The following GNB1 variants were observed in gnomAD, a reference collection of about 807,000 sequenced individuals.
GNB1 encodes G protein subunit beta 1.
In GNB1, 2 loss-of-function variants were observed where a neutral mutation model predicts 42.9. The ratio of observed to expected loss-of-function variants is 0.05; its 90% CI spans 0.02 to 0.15. GNB1 has a LOEUF of 0.15. Ranked by LOEUF, GNB1 falls within the 10% of genes least tolerant of loss-of-function variation. GNB1 has a pLI of 1.00. For missense variants in GNB1, 193 were observed against 462.2 expected, an observed-to-expected ratio of 0.42 and a Z score of 5.34; for synonymous variants, 183 against 174.7, an observed-to-expected ratio of 1.05 and a Z score of -0.38.
chr1:1,868,470 A>G (rs752372513), intron 1 of GNB1, among the ~76,000 whole-genome samples: 6 of 152,098 alleles, frequency 3.9e-5, no homozygotes, highest in Non-Finnish European at 5.9e-5. Context: ...GTGCCTGGCC[A>G]TGTTTTCCCG....
At chr1:1,842,196 C>A (rs946742696) in intron 1 of GNB1, among the ~76,000 whole-genome samples, 1 of 152,266 alleles carries the variant, frequency 6.6e-6, no homozygotes, top group South Asian at 2.1e-4. Flanking sequence ...TCTGGGAGGC[C>A]AAGGCGGGCA....
At chr1:1,807,669 C>G (rs939137119) in intron 5 of GNB1, among the ~76,000 whole-genome samples, 1 of 151,806 alleles carries the variant, frequency 6.6e-6, no homozygotes, top group Non-Finnish European at 1.5e-5. Context: ...TGCGCATGGT[C>G]CGGGAGCAGA....
intron 1 of GNB1, among the ~76,000 whole-genome samples, chr1:1,855,970 T>C (rs1234501340): frequency 6.6e-6 from 1 of 152,236 alleles, no homozygotes; most frequent in Non-Finnish European, 1.5e-5. Context: ...ACCACTGTGT[T>C]CTCAGGACTC....
At chr1:1,874,886 G>C (rs1201973500) in intron 1 of GNB1, among the ~76,000 whole-genome samples, 2 of 152,138 alleles carry the variant, frequency 1.3e-5, no homozygotes, top group African/African-American at 4.8e-5. Context: ...TTTGATGCCA[G>C]GGACCGGTTT....
intron 1 of GNB1, among the ~76,000 whole-genome samples, chr1:1,854,475 A>G (rs1451813764): frequency 1.3e-5 from 2 of 152,246 alleles, no homozygotes; most frequent in Non-Finnish European, 2.9e-5. Flanking sequence ...TGACAGTACA[A>G]AAAAGCTCAG....
chr1:1,861,897 G>A (rs749054739), intron 1 of GNB1, among the ~76,000 whole-genome samples: 2 of 152,132 alleles, frequency 1.3e-5, no homozygotes, highest in Admixed American at 6.6e-5. Flanking sequence ...TAACTGGCCT[G>A]TACTCTTTAA....
intron 1 of GNB1, among the ~76,000 whole-genome samples, chr1:1,869,633 T>C (rs1431423906): frequency 6.6e-6 from 1 of 152,164 alleles, no homozygotes; most frequent in Non-Finnish European, 1.5e-5. Context: ...TTATCACAGT[T>C]ATTCATCACG....
intron 5 of GNB1, among the ~76,000 whole-genome samples, chr1:1,809,069 G>C (rs1280209327): frequency 6.6e-6 from 1 of 152,024 alleles, no homozygotes; most frequent in Non-Finnish European, 1.5e-5. Context: ...TAGATGTTTT[G>C]ATACAGGTGT....
At chr1:1,789,301 T>A in intron 9 of GNB1, 32 bp from the exon 10 acceptor site, 2 of 1,236,540 alleles carry the variant, frequency 1.6e-6, no homozygotes, top group East Asian at 2.3e-5. Flanking sequence ...AGACATCATG[T>A]AAACGCTCAG....
intron 7 of GNB1, among the ~76,000 whole-genome samples, chr1:1,800,116 T>A (rs970405868): frequency 6.6e-6 from 1 of 152,182 alleles, no homozygotes; most frequent in African/African-American, 2.4e-5. Context: ...ACATTTACAA[T>A]GTCCAGAATA....
chr1:1,814,095 C>T (rs529979438), intron 5 of GNB1, among the ~76,000 whole-genome samples: 2 of 152,296 alleles, frequency 1.3e-5, no homozygotes, highest in African/African-American at 2.4e-5. Flanking sequence ...CTCCCCCTTC[C>T]CACTTTTATT....
chr1:1,888,475 G>A (rs1282276094), intron 1 of GNB1, among the ~76,000 whole-genome samples: 1 of 152,130 alleles, frequency 6.6e-6, no homozygotes, highest in Non-Finnish European at 1.5e-5. Context: ...CTTCCCCCAG[G>A]GTTGACAGCA....
chr1:1,799,888 A>G (rs1646601334), intron 7 of GNB1, among the ~76,000 whole-genome samples: 1 of 152,226 alleles, frequency 6.6e-6, no homozygotes, highest in Non-Finnish European at 1.5e-5. Flanking sequence ...ACTACAAAGA[A>G]GAAAGCCACA....
chr1:1,849,994 G>T (rs1490119979), intron 1 of GNB1, among the ~76,000 whole-genome samples: 3 of 151,872 alleles, frequency 2.0e-5, no homozygotes, highest in African/African-American at 7.3e-5. Context: ...GTTTGAGATG[G>T]AGTCTCGCTC....
intron 1 of GNB1, among the ~76,000 whole-genome samples, chr1:1,852,056 T>G (rs542281275): frequency 6.6e-6 from 1 of 150,632 alleles, no homozygotes; most frequent in African/African-American, 2.4e-5. Context: ...AAAAAATAAA[T>G]AAAGAGACAT....
chr1:1,838,494 G>C (rs983633772), intron 2 of GNB1, among the ~76,000 whole-genome samples: 2 of 150,738 alleles, frequency 1.3e-5, no homozygotes, highest in East Asian at 2.0e-4. Context: ...CCACAGGCTG[G>C]AGTGCAGTGG....
chr1:1,814,813 A>AG (rs987859377), intron 5 of GNB1, among the ~76,000 whole-genome samples: 6 of 144,298 alleles, frequency 4.2e-5, no homozygotes, highest in East Asian at 2.0e-4. Context: ...AAAAAAAAAA[A>AG]AAAAAAAGAA....
chr1:1,861,440 C>G (rs895064122), intron 1 of GNB1, among the ~76,000 whole-genome samples: 7 of 151,964 alleles, frequency 4.6e-5, no homozygotes, highest in African/African-American at 1.4e-4. Flanking sequence ...AGAGCAAGAC[C>G]CTGTGTACTG....
At chr1:1,791,042 C>G (rs1426303897) in intron 8 of GNB1, among the ~76,000 whole-genome samples, 6 of 152,160 alleles carry the variant, frequency 3.9e-5, no homozygotes, top group African/African-American at 1.4e-4. Context: ...TCCACAGGGT[C>G]TCAGAAAAGG....
Sources: allele counts gnomAD v4.1 joint callset (sites outside exome capture counted in the v4.1 genomes callset), GRCh38; gene constraint gnomAD v4.1.1; transcripts MANE v1.5; gene names NCBI Gene and HGNC (gene_info 2026-07-23, HGNC 2026-07-21).